The following TTBK1 variants were observed in gnomAD, a reference collection of about 807,000 sequenced individuals.
TTBK1 encodes the protein tau-tubulin kinase 1.
Under a neutral mutation model 108.5 loss-of-function variants are expected in TTBK1, and 34 were observed. The observed-to-expected ratio is 0.31, with a 90% CI of 0.24 to 0.42. The LOEUF is 0.42. Ranked by LOEUF, TTBK1 falls within the 10% of genes least tolerant of loss-of-function variation. TTBK1 has a pLI of 1.00. For synonymous variants in TTBK1, 809 were observed against 795.1 expected, an observed-to-expected ratio of 1.02 and a Z score of -0.29; for missense variants, 1,539 against 1,826.0, an observed-to-expected ratio of 0.84 and a Z score of 2.86.
chr6:43,284,642 C>A (rs1305634138), intron 14 of TTBK1, among the ~76,000 whole-genome samples: 1 of 152,230 alleles, frequency 6.6e-6, no homozygotes, highest in African/African-American at 2.4e-5. Context: ...AAGCCCAGTG[C>A]TTTGACTCCT....
Position 43,268,295 on chromosome 6 carries a change from G to A in TTBK1, c.1986+4945G>A, listed in dbSNP as rs576629065. Among the ~76,000 whole-genome samples, 90 of 152,340 alleles carry A rather than the reference G, an allele frequency of 5.9e-4. 1 individual carries two copies. Among genetic ancestry groups the A allele is most frequent in the Non-Finnish European group, 1.1e-3 (77 of 68,024 alleles). ...CCTCTGTCCCTTGGCCTCTCTGGGT[G>A]GGCCTTAGACCCCTAACCCTTGGTG... is the stretch of plus-strand genomic sequence containing the variant. On this transcript the variant is annotated intron_variant, in intron 13 of 14. Coordinates refer to ENST00000259750, the MANE Select transcript of TTBK1 (RefSeq NM_032538.3).
In TTBK1 at chr6:43,285,003, C is replaced by T; in HGVS notation, c.3593C>T (p.Pro1198Leu). The T allele has an allele frequency of 6.6e-7, 1 of 1,517,760 alleles. No homozygotes were observed. The highest frequency in any genetic ancestry group is 1.2e-5 in the South Asian group (1 of 82,774). 94.0% of individuals were successfully genotyped at this position (1,517,760 alleles called of 1,614,324 possible). A position where few individuals can be genotyped will look rare whatever the true frequency, so the allele number is the denominator to read the frequency against. ...ITSRLQLQTP[P>L]GSATAADLRP... ...AGCAGGCTCCAGCTGCAGACGCCCC[C>T]AGGGTCGGCCACTGCTGCTGACCTC... The change falls in exon 15 of 15, where the codon CCA becomes CTA. Residue 1198 changes from proline (P) to leucine (L), a missense_variant. Coordinates refer to ENST00000259750, the MANE Select transcript of TTBK1 (RefSeq NM_032538.3). This position sits in a 1 kb window ranked among gnomAD's most constrained non-coding sequence, Gnocchi z 4.7.
intron 6 of TTBK1, 80 bp from the exon 7 acceptor site, chr6:43,254,969 G>A: frequency 7.1e-7 from 1 of 1,406,926 alleles, no homozygotes; most frequent in South Asian, 1.2e-5. Context: ...AGGGTGAAGA[G>A]TTAGACTTGG....
chr6:43,246,606 G>C lies in TTBK1; in HGVS notation c.-54-1G>C. The C allele has an allele frequency of 6.9e-7, 1 of 1,447,586 alleles. No individual in the cohort carries two copies. Among genetic ancestry groups the C allele is most frequent in the South Asian group, 1.3e-5 (1 of 78,412 alleles). The allele number at this position is 1,447,586 out of a possible 1,614,324, so 89.7% of individuals were successfully genotyped here. A position where few individuals can be genotyped will look rare whatever the true frequency, so the allele number is the denominator to read the frequency against. On this transcript the variant is annotated splice_acceptor_variant, in intron 1 of 14. Transcript: ENST00000259750. LOFTEE classifies it low-confidence loss of function (5UTR_SPLICE). ...CTCACAGGCCCTCCTCACTCCCCTA[G>C]GTAGATGGCCCCCTCAGGGCAGGCC...
chr6:43,260,291 C>A (rs1777504246), intron 12 of TTBK1, among the ~76,000 whole-genome samples: 2 of 152,180 alleles, frequency 1.3e-5, no homozygotes, highest in South Asian at 2.1e-4. Flanking sequence ...GGTGGGTGGA[C>A]AACAAGGGCC....
intron 13 of TTBK1, chr6:43,270,028 G>A (rs993665757): frequency 7.0e-7 from 1 of 1,424,044 alleles, no homozygotes; most frequent in African/African-American, 1.5e-5. Flanking sequence ...TCCTTCCCAG[G>A]ACGCAATAAT....
At chr6:43,247,195 C>A (rs2150679727) in intron 2 of TTBK1, among the ~76,000 whole-genome samples, 1 of 152,256 alleles carries the variant, frequency 6.6e-6, no homozygotes, top group African/African-American at 2.4e-5. Context: ...GGGAAAGAGG[C>A]CCTGCAGGCT....
intron 13 of TTBK1, among the ~76,000 whole-genome samples, chr6:43,275,647 T>G (rs1777961669): frequency 6.6e-6 from 1 of 151,290 alleles, no homozygotes; most frequent in South Asian, 2.1e-4. Flanking sequence ...AGCCCAGAGT[T>G]GAGGGGGAGC....
Position 43,257,661 on chromosome 6 carries a change from C to A in TTBK1, c.862-151C>A. 1.5e-6 allele frequency: 1 copy of A among 665,636 alleles called. No homozygotes were observed. The allele number at this position is 665,636 out of a possible 1,614,324, so 41.2% of individuals were successfully genotyped here. A position where few individuals can be genotyped will look rare whatever the true frequency, so the allele number is the denominator to read the frequency against. ...TCATGTGCATGTTTTCATTTAAAAT[C>A]AATGTGCCGTTCTCCTTCCAATGCC... On this transcript the variant is annotated intron_variant, in intron 9 of 14. Coordinates refer to ENST00000259750, the MANE Select transcript of TTBK1 (RefSeq NM_032538.3). This position sits in a 1 kb window ranked among gnomAD's most constrained non-coding sequence, Gnocchi z 4.5.
chr6:43,259,825 G>A lies in TTBK1; in HGVS notation c.1424+119G>A. 9.1e-7 allele frequency: 1 copy of A among 1,095,028 alleles called. No individual in the cohort carries two copies. 67.8% of individuals were successfully genotyped at this position (1,095,028 alleles called of 1,614,324 possible). A position where few individuals can be genotyped will look rare whatever the true frequency, so the allele number is the denominator to read the frequency against. On this transcript the variant is annotated intron_variant, in intron 12 of 14. Transcript: ENST00000259750. This position sits in a 1 kb window ranked among gnomAD's most constrained non-coding sequence, Gnocchi z 6.7. ...GGGCAGACCCTGGGAAGTGCTGAGA[G>A]GGTTATACTTGGGCCTGGGGTCAGA... is the stretch of plus-strand genomic sequence containing the variant.
At position 43,269,538 on chromosome 6, in the gene TTBK1, G is replaced by A; in HGVS notation, c.1986+6188G>A. 7.6e-7 allele frequency: 1 copy of A among 1,321,266 alleles called. No homozygotes were observed. 81.8% of individuals were successfully genotyped at this position (1,321,266 alleles called of 1,614,324 possible). A position where few individuals can be genotyped will look rare whatever the true frequency, so the allele number is the denominator to read the frequency against. ...TGCCTGACCCCGCCCACTTGCCCGG[G>A]ACGCCGGCGCCGCAGGGGCTGTGAG... is the stretch of plus-strand genomic sequence containing the variant. On this transcript the variant is annotated intron_variant, in intron 13 of 14. Transcript: ENST00000259750. The surrounding 1 kb of genome is among the most constrained non-coding windows in gnomAD (Gnocchi z 4.8).
chr6:43,270,810 G>T (rs1777815607), intron 13 of TTBK1: 1 of 985,376 alleles, frequency 1.0e-6, no homozygotes, highest in African/African-American at 1.7e-5. Flanking sequence ...TAAGGTGGTT[G>T]TTAAGGATGA....
chr6:43,252,051 A>G (rs976380386), intron 2 of TTBK1, among the ~76,000 whole-genome samples: 1 of 152,140 alleles, frequency 6.6e-6, no homozygotes, highest in African/African-American at 2.4e-5. Flanking sequence ...GGATGGGGGA[A>G]CATGATATTT....
At chr6:43,247,379 G>A (rs987013349) in intron 2 of TTBK1, among the ~76,000 whole-genome samples, 1 of 152,162 alleles carries the variant, frequency 6.6e-6, no homozygotes, top group Non-Finnish European at 1.5e-5. Context: ...TCGGGAGCCG[G>A]GCCTGCCTCG....
chr6:43,262,813 G>A lies in TTBK1; in HGVS notation c.1449G>A (p.Ser483=), dbSNP rs374137703. 8 of 1,578,974 alleles carry A rather than the reference G, an allele frequency of 5.1e-6. No homozygotes were observed. Among genetic ancestry groups the A allele is most frequent in the African/African-American group, 2.7e-5 (2 of 74,240 alleles). ...ERRSRMDLPG[S]PSRQACSSQP... Reference sequence around the variant, plus strand: ...GGTCACGGATGGATCTGCCTGGCTCGCCCTCGCGCCAGGCCTGCTCCTCTC... The same window carrying A: ...GGTCACGGATGGATCTGCCTGGCTCACCCTCGCGCCAGGCCTGCTCCTCTC... The change falls in exon 13 of 15, where the codon TCG becomes TCA. Residue 483 remains serine, a synonymous_variant. Transcript: ENST00000259750.
Position 43,284,214 on chromosome 6 carries a change from C to A in TTBK1, c.3474C>A (p.Arg1158=). 6.3e-7 allele frequency: 1 copy of A among 1,592,026 alleles called. No individual in the cohort carries two copies. Among genetic ancestry groups the A allele is most frequent in the Non-Finnish European group, 8.5e-7 (1 of 1,176,770 alleles). The change falls in exon 14 of 15, where the codon CGC becomes CGA. Residue 1158 remains arginine, a synonymous_variant. Transcript: ENST00000259750. Reference sequence around the variant, plus strand: ...CCGCCACCAGGAGCCGGATTCCCCGCCCCATTGGCCTCCGCATGCCCATGC... The same window carrying A: ...CCGCCACCAGGAGCCGGATTCCCCGACCCATTGGCCTCCGCATGCCCATGC... ...RAAATRSRIP[R]PIGLRMPMPV... is the part of the protein sequence containing the mutation.
chr6:43,270,797 A>G (rs1256147714), intron 13 of TTBK1: 1 of 985,358 alleles, frequency 1.0e-6, no homozygotes. Flanking sequence ...AAGCAGTGGC[A>G]GCTAAGGTGG....
chr6:43,274,122 G>A (rs960072309), intron 13 of TTBK1, among the ~76,000 whole-genome samples: 4 of 152,164 alleles, frequency 2.6e-5, no homozygotes, highest in Admixed American at 1.3e-4. Context: ...CGTGACAAAT[G>A]CGCTAGTAAA....
Position 43,269,570 on chromosome 6 carries a change from G to T in TTBK1, c.1986+6220G>T. The T allele has an allele frequency of 6.9e-7, 1 of 1,458,452 alleles. No homozygotes were observed. Among genetic ancestry groups the T allele is most frequent in the East Asian group, 2.6e-5 (1 of 38,440 alleles). 90.3% of individuals were successfully genotyped at this position (1,458,452 alleles called of 1,614,324 possible). On this transcript the variant is annotated intron_variant, in intron 13 of 14. Transcript: ENST00000259750. The surrounding 1 kb of genome is among the most constrained non-coding windows in gnomAD (Gnocchi z 4.8). ...GCGCCGCAGGGGCTGTGAGCGGTGG[G>T]TGGCCCCGGAGACGGAGCTGTCGAG...
Sources: gnomAD v4.1 joint callset for allele counts (sites outside exome capture counted in the v4.1 genomes callset) on GRCh38, gnomAD v4.1.1 for gene constraint, Gnocchi (gnomAD v3.1) non-coding constraint, MANE v1.5 for transcripts, NCBI Gene and HGNC (gene_info 2026-07-23, HGNC 2026-07-21) for gene names.